GLG1: variants seen among roughly 807,000 people sequenced by gnomAD.
The protein encoded by GLG1 is Golgi apparatus protein 1.
A neutral mutation model predicts 160.5 loss-of-function variants in GLG1; 38 were observed. That is an observed-to-expected ratio of 0.24 (90% CI 0.18 to 0.31). GLG1 has a LOEUF of 0.31. GLG1 is among the 10% of genes least tolerant of loss of function. The probability of loss-of-function intolerance (pLI) is 1.00; values close to 1 mark genes in which losing one functional copy is unlikely to be tolerated. For synonymous variants in GLG1, 644 were observed against 543.4 expected (o/e 1.19, Z -2.57); for missense variants, 1,373 against 1,505.2 (o/e 0.91, Z 1.45).
chr16:74,482,978 G>T, intron 10 of GLG1, 45 bp downstream of exon 10: 1 of 974,318 alleles, frequency 1.0e-6, no homozygotes, highest in Non-Finnish European at 1.7e-6. Context: ...CTACACAGGA[G>T]AAGAGGCTGA....
chr16:74,524,205 T>A (rs1376574620), intron 2 of GLG1, among the ~76,000 whole-genome samples: 1 of 151,832 alleles, frequency 6.6e-6, no homozygotes, highest in Admixed American at 6.6e-5. Context: ...CGACACTTCA[T>A]CTCAAAACAA....
At chr16:74,570,809 G>A (rs1452927255) in intron 1 of GLG1, among the ~76,000 whole-genome samples, 1 of 152,182 alleles carries the variant, frequency 6.6e-6, no homozygotes. Context: ...AATGGGTTGA[G>A]CCCAGGAGTT....
At chr16:74,454,724 G>T (rs1309407467) in intron 25 of GLG1, among the ~76,000 whole-genome samples, 1 of 144,378 alleles carries the variant, frequency 6.9e-6, no homozygotes, top group Non-Finnish European at 1.5e-5. Context: ...TAGAGATGGG[G>T]TCTCCCTATG....
At chr16:74,459,632 G>GAAA (rs369180794) in intron 23 of GLG1, 50 bp downstream of exon 23, 453 of 770,358 alleles carry the variant, frequency 5.9e-4, no homozygotes, top group Non-Finnish European at 7.4e-4. Flanking sequence ...AGGAAGAAGA[G>GAAA]AAAAAAAAAA....
At chr16:74,515,627 C>T (rs927071604) in intron 2 of GLG1, among the ~76,000 whole-genome samples, 6 of 151,730 alleles carry the variant, frequency 4.0e-5, no homozygotes, top group African/African-American at 7.3e-5. Context: ...GGGTGCAGCA[C>T]ACCAACATGG....
chr16:74,499,147 G>C (rs1252890927), intron 4 of GLG1, among the ~76,000 whole-genome samples: 1 of 152,180 alleles, frequency 6.6e-6, no homozygotes, highest in East Asian at 1.9e-4. Flanking sequence ...GAAGTGTCTA[G>C]CTAACAGTCC....
intron 2 of GLG1, among the ~76,000 whole-genome samples, chr16:74,514,075 G>C (rs914485223): frequency 2.0e-5 from 3 of 152,076 alleles, no homozygotes; most frequent in Non-Finnish European, 4.4e-5. Context: ...AAAGCCAGAA[G>C]ACAAGATTAG....
rs1171399645 is a variant in GLG1 at position 74,451,953 on chromosome 16, A to C, written c.*1214T>G. 14 of 870,282 alleles carry C rather than the reference A, an allele frequency of 1.6e-5. No individual in the cohort carries two copies. In the East Asian group the frequency reaches 2.9e-4, roughly 18 times the overall value. The allele number at this position is 870,282 out of a possible 1,614,324, so 53.9% of individuals were successfully genotyped here. A position where few individuals can be genotyped will look rare whatever the true frequency, so the allele number is the denominator to read the frequency against. On this transcript the variant is annotated 3_prime_UTR_variant, in exon 26 of 26. Transcript: ENST00000422840. ...GCAAATGGACAGAAAGAAAAAAAAC[A>C]GAGCAAATCCTCCATCTTTTAATGT... is the stretch of plus-strand genomic sequence containing the variant.
At position 74,561,591 on chromosome 16, in the gene GLG1, G is replaced by A. The variant is rs183205660; in HGVS notation, c.439-29438C>T. On this transcript the variant is annotated intron_variant, in intron 1 of 25. Transcript: ENST00000422840. ...GAATACTAAGAAAAATACTCTGCCA[G>A]ATTTTCATGCTAAATCAGCCAGTAC... Among the ~76,000 whole-genome samples, 392 of 152,232 alleles carry A rather than the reference G, an allele frequency of 2.6e-3. 4 individuals carry two copies. Among genetic ancestry groups the A allele is most frequent in the African/African-American group, 9.0e-3 (375 of 41,560 alleles).
At chr16:74,574,556 A>C (rs2018931214) in intron 1 of GLG1, among the ~76,000 whole-genome samples, 1 of 152,140 alleles carries the variant, frequency 6.6e-6, no homozygotes, top group Non-Finnish European at 1.5e-5. Context: ...TTTCCAAAAT[A>C]ATAAATTTTG....
At chr16:74,553,335 C>G (rs951908435) in intron 1 of GLG1, among the ~76,000 whole-genome samples, 29 of 152,042 alleles carry the variant, frequency 1.9e-4, no homozygotes, top group Admixed American at 1.6e-3. Context: ...GAGCTGGAAT[C>G]ATGGGTGCAC....
chr16:74,466,887 C>T (rs985918401), intron 18 of GLG1, among the ~76,000 whole-genome samples: 2 of 152,096 alleles, frequency 1.3e-5, no homozygotes, highest in Non-Finnish European at 1.5e-5. Flanking sequence ...ACATGGAAGA[C>T]GGACTCAGAT....
At chr16:74,479,118 G>A (rs1203654261) in intron 11 of GLG1, among the ~76,000 whole-genome samples, 3 of 128,974 alleles carry the variant, frequency 2.3e-5, no homozygotes, top group South Asian at 2.6e-4. Context: ...CCAGCTACTC[G>A]GGAGGCTGAG....
At chr16:74,560,825 A>AAAAGAAGGGAGGAAGGGAGGG (rs1311749222) in intron 1 of GLG1, among the ~76,000 whole-genome samples, 2 of 152,206 alleles carry the variant, frequency 1.3e-5, no homozygotes, top group African/African-American at 4.8e-5. Flanking sequence ...TCGAAAGAAA[A>AAAAGAAGGGAGGAAGGGAGGG]AAAGAAGGGA....
intron 3 of GLG1, among the ~76,000 whole-genome samples, chr16:74,508,546 A>G (rs2016693745): frequency 6.6e-6 from 1 of 152,222 alleles, no homozygotes; most frequent in East Asian, 1.9e-4. Flanking sequence ...CTTCAGACAC[A>G]GCATGTTGTC....
chr16:74,570,259 C>T (rs2018789098), intron 1 of GLG1, among the ~76,000 whole-genome samples: 1 of 152,130 alleles, frequency 6.6e-6, no homozygotes, highest in South Asian at 2.1e-4. Flanking sequence ...GTCTAATAAA[C>T]TTTGGTGCAA....
intron 1 of GLG1, among the ~76,000 whole-genome samples, chr16:74,536,052 A>G (rs2017678767): frequency 6.6e-6 from 1 of 152,164 alleles, no homozygotes; most frequent in African/African-American, 2.4e-5. Context: ...AAAATAATAA[A>G]TAAATAAAAA....
In GLG1 at chr16:74,525,335, G is replaced by A. The variant is rs114038558; in HGVS notation, c.471+6786C>T. 6.2e-3 allele frequency among the ~76,000 whole-genome samples: 944 copies of A among 152,242 alleles called. 9 individuals are homozygous for A. The highest frequency in any genetic ancestry group is 0.022 in the African/African-American group (923 of 41,528). On this transcript the variant is annotated intron_variant, in intron 2 of 25. Coordinates refer to ENST00000422840, the MANE Select transcript of GLG1 (RefSeq NM_001145667.2). Reference sequence around the variant, plus strand: ...ATTACACCCATCCTTCCTAATGAGCGTGAAGTAATATCTCATTGTGGTTAG... The same window carrying A: ...ATTACACCCATCCTTCCTAATGAGCATGAAGTAATATCTCATTGTGGTTAG...
At chr16:74,567,963 G>A (rs571406658) in intron 1 of GLG1, among the ~76,000 whole-genome samples, 5 of 152,292 alleles carry the variant, frequency 3.3e-5, no homozygotes, top group South Asian at 2.1e-4. Context: ...GCTCCAGGTC[G>A]GGCCTCATTC....
Sources: gnomAD v4.1 joint callset for allele counts (sites outside exome capture counted in the v4.1 genomes callset) on GRCh38, gnomAD v4.1.1 for gene constraint, MANE v1.5 for transcripts, NCBI Gene and HGNC (gene_info 2026-07-23, HGNC 2026-07-21) for gene names.